DHRS2: variants seen among roughly 807,000 people sequenced by gnomAD.
DHRS2 encodes dehydrogenase/reductase 2.
In DHRS2, 29 loss-of-function variants were observed where a neutral mutation model predicts 26.3. The observed-to-expected ratio is 1.10, with a 90% CI of 0.82 to 1.50. The LOEUF is 1.50. Among genes scored for constraint, DHRS2 ranks in the 40% most tolerant of loss-of-function variants. The probability of loss-of-function intolerance (pLI) is 0.00; values close to 1 mark genes in which losing one functional copy is unlikely to be tolerated. For synonymous variants in DHRS2, 164 were observed against 151.3 expected (o/e 1.08, Z -0.62); for missense variants, 439 against 367.1 (o/e 1.20, Z -1.60).
Position 23,638,990 on chromosome 14 carries a change from G to C in DHRS2, c.126G>C (p.Thr42=), listed in dbSNP as rs372558157. 6 of 1,613,200 alleles carry C rather than the reference G, an allele frequency of 3.7e-6. No homozygotes were observed. The African/African-American group carries it at 8.0e-5, about 22-fold the overall frequency. The change falls in exon 2 of 9, where the codon ACG becomes ACC. Residue 42 remains threonine, a synonymous_variant. Coordinates refer to ENST00000250383, the MANE Select transcript of DHRS2 (RefSeq NM_005794.4). ...TGGCTAACCGGGTAGCCGTGGTCAC[G>C]GGGTCCACCAGTGGGTGAGTGCTGG... ...GVLANRVAVV[T]GSTSGIGFAI... is the part of the protein sequence containing the mutation.
At chr14:23,641,682 C>A in intron 4 of DHRS2, 1 of 1,289,828 alleles carries the variant, frequency 7.8e-7, no homozygotes, top group Non-Finnish European at 1.0e-6. Flanking sequence ...CAGGGTGGTA[C>A]CCACTTCTGA....
In DHRS2 at chr14:23,639,197, C is replaced by G. The variant is rs199867663; in HGVS notation, c.159C>G (p.Ala53=). 2.2e-5 allele frequency: 36 copies of G among 1,613,722 alleles called. 1 individual carries two copies. The African/African-American group carries it at 4.5e-4, about 20-fold the overall frequency. The change falls in exon 3 of 9, where the codon GCC becomes GCG. Residue 53 remains alanine, a synonymous_variant. Transcript: ENST00000250383. ...GSTSGIGFAI[A]RRLARDGAHV... is the part of the protein sequence containing the mutation. ...CATTCAGGATCGGCTTTGCCATCGCCCGACGTCTGGCCCGGGACGGGGCCC... is the reference window on the plus strand; with the variant it reads ...CATTCAGGATCGGCTTTGCCATCGCGCGACGTCTGGCCCGGGACGGGGCCC...
At chr14:23,632,716 G>GT (rs1447517008), upstream of DHRS2, among the ~76,000 whole-genome samples, 1 of 152,212 alleles carries the variant, frequency 6.6e-6, no homozygotes, top group Non-Finnish European at 1.5e-5. Context: ...GGGTTGCTTA[G>GT]TAACCAGGAG....
At chr14:23,637,292 ACT>A (rs1444125750) in intron 1 of DHRS2, among the ~76,000 whole-genome samples, 2 of 151,988 alleles carry the variant, frequency 1.3e-5, no homozygotes, top group African/African-American at 4.8e-5. Context: ...AAATTTCAGG[ACT>A]CTGTTACCTT....
At chr14:23,644,967 C>G in intron 8 of DHRS2, 85 bp downstream of exon 8, 1 of 1,565,088 alleles carries the variant, frequency 6.4e-7, no homozygotes, top group Non-Finnish European at 8.8e-7. Context: ...CCCTCCCTGT[C>G]ATCTGGCCAT....
chr14:23,644,428 T>C lies in DHRS2; in HGVS notation c.560T>C (p.Val187Ala). ...NPVVALGVYN[V>A]SKTALLGLTR... ...TCCCAGGCGCTGGGTGTCTACAATG[T>C]CAGCAAGACAGCGCTGCTGGGTCTC... The change falls in exon 7 of 9, where the codon GTC (valine) becomes GCC (alanine). Residue 187 changes from valine (V) to alanine (A), a missense_variant. Transcript: ENST00000250383. 1 of 1,614,186 alleles carries C rather than the reference T, an allele frequency of 6.2e-7. No homozygotes were observed. Among genetic ancestry groups the C allele is most frequent in the Non-Finnish European group, 8.5e-7 (1 of 1,180,050 alleles).
intron 6 of DHRS2, 96 bp from the exon 7 acceptor site, chr14:23,644,313 G>A: frequency 6.3e-7 from 1 of 1,576,450 alleles, no homozygotes; most frequent in Non-Finnish European, 8.7e-7. Context: ...GGGTGGGAGG[G>A]CTGCTGGGCC....
chr14:23,630,536 C>T (rs549241068), intron 1 of DHRS2, among the ~76,000 whole-genome samples: 1 of 152,344 alleles, frequency 6.6e-6, no homozygotes, highest in East Asian at 1.9e-4. Context: ...TGTCCAAGAT[C>T]ACACAGCTTC....
At chr14:23,635,236 T>C (rs907658705), upstream of DHRS2, among the ~76,000 whole-genome samples, 18 of 152,276 alleles carry the variant, frequency 1.2e-4, no homozygotes, top group East Asian at 2.1e-3. Flanking sequence ...CTAATTTTTA[T>C]AGAGACATGG....
intron 4 of DHRS2, chr14:23,642,566 G>A (rs922142270): frequency 7.2e-5 from 11 of 152,796 alleles, no homozygotes; most frequent in African/African-American, 2.6e-4. Flanking sequence ...CTTACAGTGT[G>A]TTGTTGTTTT....
rs1890486296 is a variant in DHRS2, at chr14:23,638,925, G to A, written c.61G>A (p.Val21Met). The change falls in exon 2 of 9, where the codon GTG (valine) becomes ATG (methionine). Residue 21 changes from valine to methionine, a missense_variant. Physicochemically the swap from Val to Met is conservative, Grantham distance 21. Transcript: ENST00000250383. ...GWFHPCARLS[V>M]RMSSTGIDRK... ...GTTTCATCCCTGTGCTAGGCTTTCT[G>A]TGAGGATGAGCAGCACCGGGATAGA... 6.2e-7 allele frequency: 1 copy of A among 1,614,078 alleles called. No individual in the cohort carries two copies.
At chr14:23,635,117 C>T (rs780783566), upstream of DHRS2, among the ~76,000 whole-genome samples, 23 of 151,930 alleles carry the variant, frequency 1.5e-4, no homozygotes, top group Non-Finnish European at 2.9e-4. Context: ...GGCTGGAGTA[C>T]GGTGGTGCAA....
intron 4 of DHRS2, 118 bp downstream of exon 4, chr14:23,640,013 C>A: frequency 1.1e-6 from 1 of 944,512 alleles, no homozygotes; most frequent in Non-Finnish European, 1.4e-6. Flanking sequence ...GAGAAGCAGG[C>A]CCTGGGTGGT....
At chr14:23,632,579 C>CA (rs1890150441), upstream of DHRS2, among the ~76,000 whole-genome samples, 1 of 152,222 alleles carries the variant, frequency 6.6e-6, no homozygotes, top group Non-Finnish European at 1.5e-5. Context: ...ATTTAATAGA[C>CA]AGTTTCTTCA....
At chr14:23,643,706 TG>T in intron 5 of DHRS2, 1 of 295,126 alleles carries the variant, frequency 3.4e-6, no homozygotes. Context: ...GGCCAGGGGC[TG>T]TCTTCAGTAG....
At chr14:23,640,583 T>G in intron 4 of DHRS2, 1 of 285,172 alleles carries the variant, frequency 3.5e-6, no homozygotes, top group Non-Finnish European at 5.3e-6. Flanking sequence ...TCTGCCAGAA[T>G]GCGTCGTGAT....
chr14:23,637,915 G>A (rs1890414381), intron 1 of DHRS2: 1 of 152,184 alleles, frequency 6.6e-6, no homozygotes, highest in East Asian at 1.9e-4. Flanking sequence ...ATGTGGACAG[G>A]GCCAGATAAG....
rs1890310194 is a variant in DHRS2, at chr14:23,636,708, A to AGTGAGACTATTGCCAAGCG, written c.-86_-85insCGGTGAGACTATTGCCAAG. The AGTGAGACTATTGCCAAGCG allele has an allele frequency of 3.3e-5, 5 of 152,264 alleles. No homozygotes were observed. The South Asian group carries it at 1.0e-3, about 32-fold the overall frequency. The allele number at this position is 152,264 out of a possible 1,614,324, so 9.4% of individuals were successfully genotyped here. ...CCAAGTGGTGAGACTATTGCCAAGC[A>AGTGAGACTATTGCCAAGCG]GTGAGACTATTGCCAAGTGGTGAGA... is the stretch of plus-strand genomic sequence containing the variant. On this transcript the variant is annotated 5_prime_UTR_variant, in exon 1 of 9. Transcript: ENST00000250383.
In DHRS2 at chr14:23,645,172, C is replaced by G; in HGVS notation, c.762C>G (p.Ile254Met). ...GGGAGTCAGAGGACTGTGCAGGAATCGTGTCCTTCCTGTGCTCTCCAGATG... is the reference window on the plus strand; with the variant it reads ...GGGAGTCAGAGGACTGTGCAGGAATGGTGTCCTTCCTGTGCTCTCCAGATG... ...RIGESEDCAG[I>M]VSFLCSPDAS... The change falls in exon 9 of 9, where the codon ATC becomes ATG. Residue 254 changes from isoleucine to methionine, a missense_variant. By Grantham distance (10) the Ile-to-Met change is conservative. Coordinates refer to ENST00000250383, the MANE Select transcript of DHRS2 (RefSeq NM_005794.4). 1.9e-6 allele frequency: 3 copies of G among 1,614,134 alleles called. No homozygotes were observed. Among genetic ancestry groups the G allele is most frequent in the Non-Finnish European group, 2.5e-6 (3 of 1,180,002 alleles).
Sources: allele counts gnomAD v4.1 joint callset (sites outside exome capture counted in the v4.1 genomes callset), GRCh38; gene constraint gnomAD v4.1.1; transcripts MANE v1.5; gene names NCBI Gene and HGNC (gene_info 2026-07-23, HGNC 2026-07-21).